The following CLVS1 variants were observed in gnomAD, a reference collection of about 807,000 sequenced individuals.
CLVS1 encodes clavesin-1.
Under a neutral mutation model 33.1 loss-of-function variants are expected in CLVS1, and 10 were observed. The observed-to-expected ratio is 0.30, with a 90% confidence interval of 0.19 to 0.51. The LOEUF (loss-of-function observed/expected upper bound fraction) is 0.51, where lower values mean the gene tolerates loss of function less well. Ranked by LOEUF, CLVS1 falls within the 20% of genes least tolerant of loss-of-function variation. CLVS1 has a pLI of 0.97. For missense variants in CLVS1, 343 were observed against 433.4 expected (o/e 0.79, Z 1.85); for synonymous variants, 163 against 166.1 (o/e 0.98, Z 0.14).
chr8:61,348,170 G>A (rs1201788265), intron 2 of CLVS1, among the ~76,000 whole-genome samples: 1 of 151,860 alleles, frequency 6.6e-6, no homozygotes, highest in African/African-American at 2.4e-5. Flanking sequence ...GCTTCCATGA[G>A]TTTGGCTTTT....
chr8:61,115,691 A>G (rs1472098193), intron 1 of CLVS1, among the ~76,000 whole-genome samples: 1 of 151,254 alleles, frequency 6.6e-6, no homozygotes, highest in African/African-American at 2.4e-5. Flanking sequence ...ATGTCCCTAC[A>G]AAGGACATGA....
At chr8:61,321,165 A>G (rs1023792130) in intron 2 of CLVS1, among the ~76,000 whole-genome samples, 1 of 149,954 alleles carries the variant, frequency 6.7e-6, no homozygotes, top group Non-Finnish European at 1.5e-5. Context: ...TAGATTTTTC[A>G]GTGGCTTATT....
At position 61,500,875 on chromosome 8, in the gene CLVS1, G is replaced by A. The variant is rs1055223392; in HGVS notation, c.*1333G>A. 3 of 152,012 alleles carry A rather than the reference G, an allele frequency of 2.0e-5. No homozygotes were observed. The highest frequency in any genetic ancestry group is 4.4e-5 in the Non-Finnish European group (3 of 68,010). 9.4% of individuals were successfully genotyped at this position (152,012 alleles called of 1,614,324 possible). ...AATTTGTTAGCTAAATAATTCAAGG[G>A]AAAGAGATTATTCAACTGGTCATAA... On this transcript the variant is annotated 3_prime_UTR_variant, in exon 6 of 6. Transcript: ENST00000325897.
At chr8:61,411,548 C>T (rs576287494) in intron 3 of CLVS1, among the ~76,000 whole-genome samples, 2 of 152,154 alleles carry the variant, frequency 1.3e-5, no homozygotes, top group East Asian at 1.9e-4. Context: ...AACCCTATGC[C>T]GAGGCAGCAG....
At chr8:61,469,271 G>A (rs571912865) in intron 5 of CLVS1, among the ~76,000 whole-genome samples, 8 of 152,250 alleles carry the variant, frequency 5.3e-5, no homozygotes, top group East Asian at 1.9e-4. Context: ...TTAATTCTGC[G>A]CTGACTTCCT....
intron 2 of CLVS1, among the ~76,000 whole-genome samples, chr8:61,226,038 T>A (rs145298968): frequency 8.5e-5 from 13 of 152,364 alleles, no homozygotes; most frequent in African/African-American, 2.9e-4. Context: ...TGCTTATTTG[T>A]CAAGACATTT....
intron 1 of CLVS1, among the ~76,000 whole-genome samples, chr8:61,290,197 C>T (rs1809935194): frequency 6.6e-6 from 1 of 152,176 alleles, no homozygotes; most frequent in African/African-American, 2.4e-5. Context: ...AATACAATCT[C>T]CTGGGGCTGG....
intron 2 of CLVS1, among the ~76,000 whole-genome samples, chr8:61,157,764 T>C (rs879326954): frequency 6.6e-6 from 1 of 151,826 alleles, no homozygotes; most frequent in Non-Finnish European, 1.5e-5. Context: ...AAAAATGATA[T>C]ACAAATGGCA....
intron 1 of CLVS1, among the ~76,000 whole-genome samples, chr8:61,068,045 G>A (rs558597832): frequency 2.0e-5 from 3 of 151,484 alleles, no homozygotes; most frequent in Admixed American, 6.6e-5. Context: ...AAAATTAGCA[G>A]GTGTGGTGGC....
At chr8:61,200,893 T>C (rs528076494) in intron 2 of CLVS1, among the ~76,000 whole-genome samples, 1 of 152,218 alleles carries the variant, frequency 6.6e-6, no homozygotes, top group Non-Finnish European at 1.5e-5. Context: ...TATATTTGTT[T>C]CCTACTGAGG....
intron 5 of CLVS1, among the ~76,000 whole-genome samples, chr8:61,468,111 T>G (rs1306257760): frequency 6.6e-6 from 1 of 152,228 alleles, no homozygotes; most frequent in Non-Finnish European, 1.5e-5. Flanking sequence ...ATGTGAAATT[T>G]CTATAAAGTT....
Position 61,238,208 on chromosome 8 carries a change from A to G in CLVS1, c.-151-61469A>G, listed in dbSNP as rs140536340. Among the ~76,000 whole-genome samples, 727 of 152,200 alleles carry G rather than the reference A, an allele frequency of 4.8e-3. 6 individuals are homozygous for G. Among genetic ancestry groups the G allele is most frequent in the African/African-American group, 0.017 (686 of 41,526 alleles). On this transcript the variant is annotated intron_variant, in intron 2 of 2. Coordinates refer to the CLVS1 transcript ENST00000522621. ...AAAAAGAGAAACAAAAATTACCTAT[A>G]ATTCTAACACTCAGGACCTTCGGCT...
chr8:61,097,282 A>T (rs942253444), intron 1 of CLVS1, among the ~76,000 whole-genome samples: 1 of 151,838 alleles, frequency 6.6e-6, no homozygotes, highest in Non-Finnish European at 1.5e-5. Context: ...ACAGAGTGAG[A>T]CTCCATCTCA....
At chr8:61,317,194 C>T (rs1342756821) in intron 2 of CLVS1, among the ~76,000 whole-genome samples, 2 of 152,162 alleles carry the variant, frequency 1.3e-5, no homozygotes, top group South Asian at 2.1e-4. Context: ...TGACAAGTTA[C>T]GTTGTCTGGT....
At chr8:61,193,706 G>C (rs1345777225) in intron 2 of CLVS1, among the ~76,000 whole-genome samples, 1 of 151,696 alleles carries the variant, frequency 6.6e-6, no homozygotes, top group Non-Finnish European at 1.5e-5. Flanking sequence ...CAGACAAAAA[G>C]AGATTTTGAC....
intron 2 of CLVS1, among the ~76,000 whole-genome samples, chr8:61,252,605 A>T (rs919706825): frequency 2.6e-4 from 40 of 152,248 alleles, no homozygotes; most frequent in Middle Eastern, 3.4e-3. Flanking sequence ...GTGCTCCTGT[A>T]TTGGGTGCAT....
intron 3 of CLVS1, among the ~76,000 whole-genome samples, chr8:61,387,268 T>C (rs761441886): frequency 3.3e-5 from 5 of 152,052 alleles, no homozygotes; most frequent in Non-Finnish European, 7.4e-5. Flanking sequence ...GTGCTCGTAA[T>C]CCCAGCTACT....
At chr8:61,124,839 G>A (rs1027042697) in intron 1 of CLVS1, among the ~76,000 whole-genome samples, 3 of 152,178 alleles carry the variant, frequency 2.0e-5, no homozygotes, top group Admixed American at 1.3e-4. Context: ...TGCCATAAAC[G>A]TCCTGAAGTG....
chr8:61,173,862 C>T (rs1436404615), intron 2 of CLVS1, among the ~76,000 whole-genome samples: 1 of 152,112 alleles, frequency 6.6e-6, no homozygotes, highest in African/African-American at 2.4e-5. Flanking sequence ...GGGGATAGAA[C>T]CAACTGAAAG....
Sources: gnomAD v4.1 joint callset for allele counts (sites outside exome capture counted in the v4.1 genomes callset) on GRCh38, gnomAD v4.1.1 for gene constraint, MANE v1.5 for transcripts, NCBI Gene and HGNC (gene_info 2026-07-23, HGNC 2026-07-21) for gene names.